The following PACSIN2 variants were observed in gnomAD, a reference collection of about 807,000 sequenced individuals.
PACSIN2 encodes the protein protein kinase C and casein kinase substrate in neurons 2.
PACSIN2 carries 25 observed loss-of-function variants against 63.8 expected under a neutral mutation model. The ratio of observed to expected loss-of-function variants is 0.39; its 90% confidence interval spans 0.29 to 0.55. PACSIN2 has a LOEUF of 0.55. Among genes scored for constraint, PACSIN2 ranks in the 20% least tolerant of loss-of-function variants. The pLI, the probability that PACSIN2 is intolerant of heterozygous loss-of-function variation, is 0.62. For synonymous variants in PACSIN2, 255 were observed against 256.2 expected (o/e 1.00, Z 0.05); for missense variants, 518 against 646.9 (o/e 0.80, Z 2.16).
At chr22:42,893,840 C>A (rs1008146179) in intron 2 of PACSIN2, among the ~76,000 whole-genome samples, 3 of 152,048 alleles carry the variant, frequency 2.0e-5, no homozygotes, top group African/African-American at 7.2e-5. Flanking sequence ...TCTCAATGTT[C>A]TTTAGGTTGG....
At chr22:42,931,556 G>A (rs945053993) in intron 1 of PACSIN2, among the ~76,000 whole-genome samples, 1 of 152,188 alleles carries the variant, frequency 6.6e-6, no homozygotes, top group Non-Finnish European at 1.5e-5. Context: ...GGTTCAGAGG[G>A]CTCCACAAAG....
intron 1 of PACSIN2, among the ~76,000 whole-genome samples, chr22:43,006,764 G>A (rs527944056): frequency 3.3e-5 from 5 of 152,218 alleles, no homozygotes; most frequent in South Asian, 4.1e-4. Flanking sequence ...GCAGTGAGCC[G>A]AAATCGCACC....
chr22:42,962,775 C>CGGGGGGGGG (rs1555936911), intron 1 of PACSIN2, among the ~76,000 whole-genome samples: 5 of 16,400 alleles, frequency 3.0e-4, no homozygotes, highest in African/African-American at 8.9e-4. Flanking sequence ...AAGGTGTGGG[C>CGGGGGGGGG]GGGGGGGGGG....
chr22:42,906,310 C>T (rs1475608303), intron 2 of PACSIN2, among the ~76,000 whole-genome samples: 1 of 152,270 alleles, frequency 6.6e-6, no homozygotes, highest in Non-Finnish European at 1.5e-5. Flanking sequence ...GATTGGGCAG[C>T]AAAGGCTGCT....
At chr22:42,881,437 G>A (rs1275403377) in intron 7 of PACSIN2, among the ~76,000 whole-genome samples, 1 of 152,228 alleles carries the variant, frequency 6.6e-6, no homozygotes. Flanking sequence ...GGCTCTGGCC[G>A]CTGCTGAGTC....
intron 7 of PACSIN2, among the ~76,000 whole-genome samples, chr22:42,880,417 T>C (rs770283417): frequency 5.9e-5 from 9 of 152,168 alleles, no homozygotes; most frequent in African/African-American, 2.2e-4. Flanking sequence ...TTCATCCTGA[T>C]TGGGTGGCTT....
chr22:42,946,844 T>C (rs1186749583), intron 1 of PACSIN2: 1 of 152,136 alleles, frequency 6.6e-6, no homozygotes, highest in Non-Finnish European at 1.5e-5. Flanking sequence ...TGGCCACAAA[T>C]ACAGGAGACA....
chr22:42,923,358 C>A (rs1429814678), intron 1 of PACSIN2, among the ~76,000 whole-genome samples: 1 of 152,210 alleles, frequency 6.6e-6, no homozygotes, highest in African/African-American at 2.4e-5. Context: ...CCCAGGTCCT[C>A]CTGGCCCGCA....
At chr22:42,876,066 AAC>A in intron 10 of PACSIN2, 69 bp downstream of exon 10, 1 of 1,392,648 alleles carries the variant, frequency 7.2e-7, no homozygotes, top group Non-Finnish European at 9.9e-7. Context: ...AGACTTAAAA[AAC>A]AAAAAAGACC....
intron 2 of PACSIN2, among the ~76,000 whole-genome samples, chr22:42,901,353 T>C (rs1051119974): frequency 4.6e-5 from 7 of 152,300 alleles, no homozygotes; most frequent in South Asian, 2.1e-4. Context: ...GAGGCAACTC[T>C]TTAGGGATTC....
chr22:42,924,070 G>T (rs1280551068), intron 1 of PACSIN2, among the ~76,000 whole-genome samples: 1 of 151,228 alleles, frequency 6.6e-6, no homozygotes, highest in Non-Finnish European at 1.5e-5. Context: ...AAATCCTGGA[G>T]AATACCCGAC....
At chr22:42,999,189 A>G (rs1254446323) in intron 1 of PACSIN2, among the ~76,000 whole-genome samples, 1 of 152,228 alleles carries the variant, frequency 6.6e-6, no homozygotes, top group Non-Finnish European at 1.5e-5. Context: ...GTGGGGCCAG[A>G]GCCCAAAAGT....
chr22:42,998,312 T>C (rs1453229978), intron 1 of PACSIN2, among the ~76,000 whole-genome samples: 1 of 152,226 alleles, frequency 6.6e-6, no homozygotes, highest in Admixed American at 6.5e-5. Flanking sequence ...TCTCCCAGTC[T>C]GAACCTGGTT....
chr22:42,980,234 C>G (rs1003210307), intron 1 of PACSIN2, among the ~76,000 whole-genome samples: 1 of 152,136 alleles, frequency 6.6e-6, no homozygotes, highest in South Asian at 2.1e-4. Context: ...TAATTAATGG[C>G]CACACACAGT....
rs1420324992 is a variant in PACSIN2, at chr22:42,879,182, T to C, written c.907-13A>G. ...CTGCGGACCACTCCTAGGCAACAGG[T>C]GCCGAGGGAGAGAAACCAAAGGTTC... On this transcript the variant is annotated splice_polypyrimidine_tract_variant and intron_variant, in intron 7 of 10. Transcript: ENST00000263246. The C allele has an allele frequency of 6.2e-7, 1 of 1,610,804 alleles. No homozygotes were observed. The highest frequency in any genetic ancestry group is 1.1e-5 in the South Asian group (1 of 90,828).
intron 1 of PACSIN2, among the ~76,000 whole-genome samples, chr22:42,928,302 CT>C (rs1932665206): frequency 1.3e-5 from 2 of 152,198 alleles, no homozygotes; most frequent in Admixed American, 1.3e-4. Flanking sequence ...TCTGAGAGTG[CT>C]GTAGGCGATG....
At chr22:42,925,480 T>TAA (rs57374574) in intron 1 of PACSIN2, among the ~76,000 whole-genome samples, 9 of 134,314 alleles carry the variant, frequency 6.7e-5, no homozygotes, top group Admixed American at 2.2e-4. Context: ...ACTCCGTCTT[T>TAA]AAAAAAAAAA....
chr22:42,960,128 C>A (rs1275461887), intron 1 of PACSIN2, among the ~76,000 whole-genome samples: 2 of 152,108 alleles, frequency 1.3e-5, no homozygotes, highest in Non-Finnish European at 2.9e-5. Flanking sequence ...CTCCCCAACA[C>A]ACAAAAAATC....
intron 1 of PACSIN2, among the ~76,000 whole-genome samples, chr22:42,934,191 C>T (rs992847184): frequency 2.6e-5 from 4 of 152,178 alleles, no homozygotes; most frequent in Non-Finnish European, 5.9e-5. Flanking sequence ...AGTATGGAAA[C>T]GTGCAGAGAG....
Sources: allele counts gnomAD v4.1 joint callset (sites outside exome capture counted in the v4.1 genomes callset), GRCh38; gene constraint gnomAD v4.1.1; transcripts MANE v1.5; gene names NCBI Gene and HGNC (gene_info 2026-07-23, HGNC 2026-07-21).